The following RNF216 variants were observed in gnomAD, a reference collection of about 807,000 sequenced individuals.
RNF216 encodes the protein ring finger protein 216, also known as E3 ubiquitin-protein ligase RNF216.
Under a neutral mutation model 110.8 loss-of-function variants are expected in RNF216, and 72 were observed. That is an observed-to-expected ratio of 0.65 (90% CI 0.54 to 0.79). The LOEUF (loss-of-function observed/expected upper bound fraction) is 0.79, where lower values mean the gene tolerates loss of function less well. Ranked by LOEUF, RNF216 falls within the 30% of genes least tolerant of loss-of-function variation. The pLI, the probability that RNF216 is intolerant of heterozygous loss-of-function variation, is 0.00. For missense variants in RNF216, 1,342 were observed against 1,141.2 expected, an observed-to-expected ratio of 1.18 and a Z score of -2.54; for synonymous variants, 495 against 407.5, an observed-to-expected ratio of 1.21 and a Z score of -2.59.
At chr7:5,690,060 G>A (rs1212456762) in intron 13 of RNF216, among the ~76,000 whole-genome samples, 1 of 152,134 alleles carries the variant, frequency 6.6e-6, no homozygotes, top group Non-Finnish European at 1.5e-5. Context: ...CGCGGTGGGT[G>A]GCTCATGCCT....
At chr7:5,737,119 G>C (rs1233647814) in intron 5 of RNF216, among the ~76,000 whole-genome samples, 1 of 152,258 alleles carries the variant, frequency 6.6e-6, no homozygotes, top group African/African-American at 2.4e-5. Flanking sequence ...AAATCAGATT[G>C]TTGCTGTGTC....
intron 13 of RNF216, among the ~76,000 whole-genome samples, chr7:5,664,225 T>C (rs1447615269): frequency 6.6e-6 from 1 of 152,190 alleles, no homozygotes; most frequent in Non-Finnish European, 1.5e-5. Context: ...TTCCTCCCTA[T>C]TGGGTCTTAT....
At chr7:5,715,242 G>A (rs774747712) in intron 10 of RNF216, 52 bp from the exon 11 acceptor site, 2 of 1,572,072 alleles carry the variant, frequency 1.3e-6, no homozygotes, top group African/African-American at 2.7e-5. Flanking sequence ...AAGGAGAGGG[G>A]GAGCCTTGTC....
intron 1 of RNF216, among the ~76,000 whole-genome samples, chr7:5,764,224 A>C (rs1796083690): frequency 6.6e-6 from 1 of 152,066 alleles, no homozygotes; most frequent in Admixed American, 6.6e-5. Context: ...AAAAAAAAAA[A>C]ACAGATAAGT....
chr7:5,715,454 TATC>T (rs570936979), intron 10 of RNF216, among the ~76,000 whole-genome samples: 1 of 152,218 alleles, frequency 6.6e-6, no homozygotes, highest in Non-Finnish European at 1.5e-5. Context: ...TATATAAAGT[TATC>T]ATATTCAATC....
intron 15 of RNF216, among the ~76,000 whole-genome samples, chr7:5,626,501 G>A (rs1471594816): frequency 6.6e-6 from 1 of 151,826 alleles, no homozygotes; most frequent in Non-Finnish European, 1.5e-5. Context: ...AGGATCACTT[G>A]GGCCCAGGAG....
At chr7:5,710,463 CCTT>C (rs553744759) in intron 13 of RNF216, among the ~76,000 whole-genome samples, 12 of 152,236 alleles carry the variant, frequency 7.9e-5, no homozygotes, top group African/African-American at 2.2e-4. Context: ...CACTGGCAGA[CCTT>C]CTTTGAAACC....
At position 5,710,139 on chromosome 7, in the gene RNF216, C is replaced by T. The variant is rs895610692; in HGVS notation, c.2061+1622G>A. 1.4e-4 allele frequency among the ~76,000 whole-genome samples: 21 copies of T among 152,264 alleles called. No individual in the cohort carries two copies. In the East Asian group the frequency reaches 4.1e-3, roughly 29 times the overall value. ...CTTTGGAAGGCTGAGGTGGGCGGAT[C>T]ACTGGAGGCCAGGAGTTCAGGACCA... On this transcript the variant is annotated intron_variant, in intron 13 of 16. Coordinates refer to ENST00000389902, the MANE Select transcript of RNF216 (RefSeq NM_207111.4).
chr7:5,676,095 T>G (rs1353518534), intron 13 of RNF216, among the ~76,000 whole-genome samples: 1 of 151,934 alleles, frequency 6.6e-6, no homozygotes, highest in African/African-American at 2.4e-5. Context: ...CACTGTAACC[T>G]TCGTCTCCCA....
chr7:5,710,366 T>TA (rs537822157), intron 13 of RNF216, among the ~76,000 whole-genome samples: 4,929 of 130,034 alleles, frequency 0.038, 191 homozygotes, highest in African/African-American at 0.1. Flanking sequence ...CCTCAAAACT[T>TA]AAAAACAAAA....
chr7:5,778,348 C>T (rs1057403808), intron 1 of RNF216, among the ~76,000 whole-genome samples: 13 of 152,198 alleles, frequency 8.5e-5, no homozygotes, highest in Admixed American at 4.6e-4. Flanking sequence ...CGGTTCTTTG[C>T]TTTCTCCTCA....
intron 1 of RNF216, among the ~76,000 whole-genome samples, chr7:5,762,121 T>C (rs551400949): frequency 6.6e-6 from 1 of 152,232 alleles, no homozygotes; most frequent in Non-Finnish European, 1.5e-5. Context: ...TAAATAAAAT[T>C]CATATGATAC....
At chr7:5,647,328 C>CTTTTTTTTTTTTTTTT (rs10617479) in intron 14 of RNF216, among the ~76,000 whole-genome samples, 8 of 94,802 alleles carry the variant, frequency 8.4e-5, no homozygotes, top group East Asian at 3.9e-4. Context: ...TTCTTTCTTT[C>CTTTTTTTTTTTTTTTT]TTTTTTTTTT....
intron 13 of RNF216, among the ~76,000 whole-genome samples, chr7:5,653,022 T>C (rs1156828894): frequency 3.9e-5 from 6 of 152,150 alleles, no homozygotes; most frequent in Admixed American, 6.5e-5. Context: ...CAGGGCCTGT[T>C]TGGATCTCGT....
At position 5,750,155 on chromosome 7, in the gene RNF216, T is replaced by G. The variant is rs138603480; in HGVS notation, c.201+2691A>C. ...TGGAAACTGGTTATGTTACCAAGGC[T>G]TTGACTGGAATGCCATATTTCAAAA... On this transcript the variant is annotated intron_variant, in intron 3 of 16. Coordinates refer to ENST00000389902, the MANE Select transcript of RNF216 (RefSeq NM_207111.4). Among the ~76,000 whole-genome samples the G allele has an allele frequency of 9.2e-5, 14 of 152,360 alleles. No individual in the cohort carries two copies. In the East Asian group the frequency reaches 2.5e-3, roughly 27 times the overall value.
intron 1 of RNF216, among the ~76,000 whole-genome samples, chr7:5,769,524 A>G (rs1005077454): frequency 2.0e-5 from 3 of 151,222 alleles, no homozygotes; most frequent in Non-Finnish European, 4.4e-5. Context: ...GGAGTTCAAG[A>G]CCAGCCTGGG....
chr7:5,623,807 G>A (rs1412571243), intron 16 of RNF216, among the ~76,000 whole-genome samples: 1 of 152,090 alleles, frequency 6.6e-6, no homozygotes, highest in African/African-American at 2.4e-5. Context: ...ATTGATTCCT[G>A]AGCTCAAACC....
At chr7:5,704,238 C>T (rs906242339) in intron 13 of RNF216, among the ~76,000 whole-genome samples, 9 of 152,036 alleles carry the variant, frequency 5.9e-5, no homozygotes, top group Non-Finnish European at 1.2e-4. Flanking sequence ...ATATTAATGC[C>T]GTATTAATAT....
rs765974189 is a variant in RNF216, at chr7:5,709,623, T to C, written c.2061+2138A>G. Reference sequence around the variant, plus strand: ...CAGCAGGCCATGTATATTCCTCCCATAGACAAACAAAAACATATGTGGTGT... The same window carrying C: ...CAGCAGGCCATGTATATTCCTCCCACAGACAAACAAAAACATATGTGGTGT... On this transcript the variant is annotated intron_variant, in intron 13 of 16. Coordinates refer to ENST00000389902, the MANE Select transcript of RNF216 (RefSeq NM_207111.4). Among the ~76,000 whole-genome samples the C allele has an allele frequency of 2.0e-4, 31 of 152,264 alleles. 2 individuals are homozygous for C. Among genetic ancestry groups the C allele is most frequent in the Admixed American group, 6.5e-4 (10 of 15,296 alleles).
Sources: allele counts gnomAD v4.1 joint callset (sites outside exome capture counted in the v4.1 genomes callset), GRCh38; gene constraint gnomAD v4.1.1; transcripts MANE v1.5; gene names NCBI Gene and HGNC (gene_info 2026-07-23, HGNC 2026-07-21).